Variants in OTUD7B observed in about 807,000 individuals in gnomAD.
OTUD7B encodes the protein OTU domain-containing protein 7B.
A neutral mutation model predicts 82.2 loss-of-function variants in OTUD7B; 34 were observed. The observed-to-expected ratio is 0.41, with a 90% CI of 0.31 to 0.55. The LOEUF (loss-of-function observed/expected upper bound fraction) is 0.55. Ranked by LOEUF, OTUD7B falls within the 20% of genes least tolerant of loss-of-function variation. OTUD7B has a pLI of 0.20. For missense variants in OTUD7B, 944 were observed against 1,062.1 expected, an observed-to-expected ratio of 0.89 and a Z score of 1.55; for synonymous variants, 398 against 402.7, an observed-to-expected ratio of 0.99 and a Z score of 0.14.
rs112649604 is a variant in OTUD7B at position 149,957,704 on chromosome 1, G to A, written c.845+1980C>T. 5.3e-5 allele frequency among the ~76,000 whole-genome samples: 8 copies of A among 152,282 alleles called. 2 individuals are homozygous for A. The highest frequency in any genetic ancestry group is 1.7e-4 in the African/African-American group (7 of 41,554). ...TCCACCCAGTTCGAGCTTCCCGGCCGCTTTGTTTACCTACTCAAGCCTCAG... is the reference window on the plus strand; with the variant it reads ...TCCACCCAGTTCGAGCTTCCCGGCCACTTTGTTTACCTACTCAAGCCTCAG... On this transcript the variant is annotated intron_variant, in intron 7 of 11. Coordinates refer to ENST00000581312, the MANE Select transcript of OTUD7B (RefSeq NM_020205.4).
chr1:149,989,631 C>G (rs1023871172), intron 1 of OTUD7B, among the ~76,000 whole-genome samples: 1 of 150,962 alleles, frequency 6.6e-6, no homozygotes, highest in African/African-American at 2.4e-5. Flanking sequence ...CCCAGCTACT[C>G]AAGAGGCTGA....
the OTUD7B span, among the ~76,000 whole-genome samples, chr1:150,050,831 T>C: frequency 4.0e-5 from 6 of 151,602 alleles, no homozygotes; most frequent in East Asian, 7.7e-4. Flanking sequence ...TTTAAAACTA[T>C]GTAAAAACAT....
At chr1:150,054,616 C>T in the OTUD7B span, 9 of 361,870 alleles carry the variant, frequency 2.5e-5, no homozygotes, top group Admixed American at 7.2e-5. Context: ...AAGACCAGCA[C>T]GGCCAACATG....
rs1336264221 is a variant in OTUD7B, at chr1:149,938,655, T to C, written c.*5202A>G. 6.7e-6 allele frequency: 1 copy of C among 149,100 alleles called. No homozygotes were observed. Among genetic ancestry groups the C allele is most frequent in the Non-Finnish European group, 1.5e-5 (1 of 67,714 alleles). The allele number at this position is 149,100 out of a possible 1,614,324, so 9.2% of individuals were successfully genotyped here. On this transcript the variant is annotated 3_prime_UTR_variant, in exon 12 of 12. Transcript: ENST00000581312. ...GTAGGGGTGTGGTGGCTCATGCCTG[T>C]AATCCCAGCACTTTGGAAGGCTGAG...
chr1:150,001,064 A>G (rs1316067704), intron 1 of OTUD7B, among the ~76,000 whole-genome samples: 1 of 152,202 alleles, frequency 6.6e-6, no homozygotes, highest in Non-Finnish European at 1.5e-5. Flanking sequence ...GAACACATCA[A>G]TTCAGGCCAG....
intron 7 of OTUD7B, among the ~76,000 whole-genome samples, chr1:149,952,843 T>C (rs909915423): frequency 6.6e-5 from 10 of 152,252 alleles, no homozygotes; most frequent in African/African-American, 2.4e-4. Flanking sequence ...GCTGCATAAA[T>C]GTCTTCTTTT....
chr1:150,046,997 G>C, the OTUD7B span, among the ~76,000 whole-genome samples: 1 of 152,034 alleles, frequency 6.6e-6, no homozygotes, highest in African/African-American at 2.4e-5. Context: ...CTTGAACCCG[G>C]GAGGCGGAGA....
At chr1:149,988,650 C>CT in intron 1 of OTUD7B, among the ~76,000 whole-genome samples, 1 of 152,034 alleles carries the variant, frequency 6.6e-6, no homozygotes, top group Non-Finnish European at 1.5e-5. Flanking sequence ...ATAATATTGG[C>CT]ACAACAATAG....
chr1:149,953,524 A>C (rs1272035369), intron 7 of OTUD7B, among the ~76,000 whole-genome samples: 2 of 152,146 alleles, frequency 1.3e-5, no homozygotes, highest in African/African-American at 2.4e-5. Flanking sequence ...TTGTCTTGGC[A>C]ATGCAGGCTC....
chr1:149,983,554 A>C (rs1313764955), intron 1 of OTUD7B, among the ~76,000 whole-genome samples: 2 of 152,144 alleles, frequency 1.3e-5, no homozygotes, highest in African/African-American at 4.8e-5. Context: ...TTAAGCAGCA[A>C]TTGGAGAGAC....
the OTUD7B span, among the ~76,000 whole-genome samples, chr1:150,024,008 C>T: frequency 0.056 from 8,572 of 152,254 alleles, 316 homozygotes; most frequent in Non-Finnish European, 0.088. Flanking sequence ...GGCAGCAGTA[C>T]TATTACCTTC....
Position 149,942,099 on chromosome 1 carries a change from C to G in OTUD7B, c.*1758G>C, listed in dbSNP as rs922534579. 1 of 152,572 alleles carries G rather than the reference C, an allele frequency of 6.6e-6. No homozygotes were observed. Among genetic ancestry groups the G allele is most frequent in the Non-Finnish European group, 1.5e-5 (1 of 68,042 alleles). 9.5% of individuals were successfully genotyped at this position (152,572 alleles called of 1,614,324 possible). On this transcript the variant is annotated 3_prime_UTR_variant, in exon 12 of 12. Transcript: ENST00000581312. The stretch of plus-strand genomic sequence containing the variant: ...TGGCTACCGAGGAGGAAAACACACA[C>G]ACATATGCACGCACGCACATGCATG...
At chr1:149,978,652 A>G (rs1650496019) in intron 1 of OTUD7B, among the ~76,000 whole-genome samples, 1 of 152,230 alleles carries the variant, frequency 6.6e-6, no homozygotes, top group Non-Finnish European at 1.5e-5. Context: ...TTCTCCACAC[A>G]GGACAGATGA....
chr1:149,958,589 C>T lies in OTUD7B; in HGVS notation c.845+1095G>A, dbSNP rs587623708. On this transcript the variant is annotated intron_variant, in intron 7 of 11. Coordinates refer to ENST00000581312, the MANE Select transcript of OTUD7B (RefSeq NM_020205.4). ...TCGGCCTCCCAAAGTTCTGGGATTACAGGCGTGAGCCACTGCGCCTGGCCA... is the reference window on the plus strand; with the variant it reads ...TCGGCCTCCCAAAGTTCTGGGATTATAGGCGTGAGCCACTGCGCCTGGCCA... Among the ~76,000 whole-genome samples, 16 of 152,048 alleles carry T rather than the reference C, an allele frequency of 1.1e-4. No individual in the cohort carries two copies. The South Asian group carries it at 3.3e-3, about 32-fold the overall frequency.
Position 149,964,365 on chromosome 1 carries a change from A to G in OTUD7B, c.605-16T>C, listed in dbSNP as rs782111290. ...CCCCACATTCCTGTGGCAAAAAAGC[A>G]TAATGGTAAGATACCTCAGCTTGAC... On this transcript the variant is annotated splice_polypyrimidine_tract_variant and intron_variant, in intron 5 of 11. Coordinates refer to ENST00000581312, the MANE Select transcript of OTUD7B (RefSeq NM_020205.4). The G allele has an allele frequency of 1.2e-6, 2 of 1,611,682 alleles. No homozygotes were observed. The highest frequency in any genetic ancestry group is 1.7e-6 in the Non-Finnish European group (2 of 1,178,770).
At position 149,949,091 on chromosome 1, in the gene OTUD7B, G is replaced by A; in HGVS notation, c.1124-8C>T. ...CTGTAAGTGGGATCACAGCTGGAGAGGAAGAAACATATCATCAAGGAATCT... is the reference window on the plus strand; with the variant it reads ...CTGTAAGTGGGATCACAGCTGGAGAAGAAGAAACATATCATCAAGGAATCT... On this transcript the variant is annotated splice_region_variant and splice_polypyrimidine_tract_variant and intron_variant, in intron 9 of 11. Transcript: ENST00000581312. The A allele has an allele frequency of 6.5e-7, 1 of 1,537,950 alleles. No individual in the cohort carries two copies. The highest frequency in any genetic ancestry group is 9.0e-7 in the Non-Finnish European group (1 of 1,110,852).
intron 1 of OTUD7B, among the ~76,000 whole-genome samples, chr1:149,992,486 T>C (rs1371942571): frequency 7.1e-4 from 1 of 1,402 alleles, no homozygotes; most frequent in Non-Finnish European, 0.045. Flanking sequence ...TTTTTTTTTT[T>C]TTTTTTTAGT....
intron 6 of OTUD7B, 41 bp from the exon 7 acceptor site, chr1:149,959,837 C>G: frequency 1.5e-6 from 2 of 1,367,010 alleles, no homozygotes; most frequent in South Asian, 2.3e-5. Flanking sequence ...CAATTAGAGG[C>G]TGGGTTCTAA....
At chr1:150,050,015 C>A in the OTUD7B span, among the ~76,000 whole-genome samples, 1 of 151,968 alleles carries the variant, frequency 6.6e-6, no homozygotes, top group Non-Finnish European at 1.5e-5. Flanking sequence ...AATTCAAGAC[C>A]AGCCTAGGCA....
Sources: gnomAD v4.1 joint callset for allele counts (sites outside exome capture counted in the v4.1 genomes callset) on GRCh38, gnomAD v4.1.1 for gene constraint, MANE v1.5 for transcripts, NCBI Gene and HGNC (gene_info 2026-07-23, HGNC 2026-07-21) for gene names.